C12orf56: variants seen among roughly 807,000 people sequenced by gnomAD.
C12orf56 encodes chromosome 12 open reading frame 56, also known as uncharacterized protein C12orf56.
A neutral mutation model predicts 69.9 loss-of-function variants in C12orf56; 71 were observed. The observed-to-expected ratio is 1.02, with a 90% CI of 0.84 to 1.24. The LOEUF (loss-of-function observed/expected upper bound fraction) is 1.24. Among genes scored for constraint, C12orf56 ranks in the 50% most tolerant of loss-of-function variants. The pLI is 0.00. For synonymous variants in C12orf56, 276 were observed against 274.1 expected, an observed-to-expected ratio of 1.01 and a Z score of -0.07; for missense variants, 732 against 738.5, an observed-to-expected ratio of 0.99 and a Z score of 0.10.
rs540316968 is a variant in C12orf56 at position 64,275,072 on chromosome 12, C to T, written c.1510-97G>A. On this transcript the variant is annotated intron_variant, in intron 10 of 12. Transcript: ENST00000543942. ...TAAATACATTTTTATCCTGATTAAT[C>T]GAATCCTTAAAATCAGTTTTGGAAA... The T allele has an allele frequency of 3.3e-5, 39 of 1,183,952 alleles. No individual in the cohort carries two copies. The Middle Eastern group carries it at 8.7e-4, about 26-fold the overall frequency. 73.3% of individuals were successfully genotyped at this position (1,183,952 alleles called of 1,614,324 possible). A position where few individuals can be genotyped will look rare whatever the true frequency, so the allele number is the denominator to read the frequency against.
intron 2 of C12orf56, among the ~76,000 whole-genome samples, chr12:64,349,828 T>C (rs1333827806): frequency 6.6e-6 from 1 of 152,238 alleles, no homozygotes; most frequent in Non-Finnish European, 1.5e-5. Flanking sequence ...GAATGGTGGC[T>C]CACGCCTGTA....
At chr12:64,274,768 CA>C (rs1445612810) in intron 11 of C12orf56, 132 bp downstream of exon 11, 2 of 647,144 alleles carry the variant, frequency 3.1e-6, no homozygotes, top group African/African-American at 3.7e-5. Flanking sequence ...AATAAACTGT[CA>C]AATTTACACT....
At chr12:64,353,116 A>G in intron 1 of C12orf56, 60 bp from the exon 2 acceptor site, 2 of 1,520,830 alleles carry the variant, frequency 1.3e-6, no homozygotes, top group East Asian at 4.5e-5. Context: ...CTATTTTGGT[A>G]TAATAAATCC....
intron 1 of C12orf56, among the ~76,000 whole-genome samples, chr12:64,386,090 A>G (rs965085879): frequency 6.6e-5 from 10 of 152,208 alleles, no homozygotes; most frequent in Non-Finnish European, 1.2e-4. Flanking sequence ...CAGGCCCCCT[A>G]CATTCCTTGG....
chr12:64,338,523 T>C, intron 2 of C12orf56: 1 of 1,214,394 alleles, frequency 8.2e-7, no homozygotes, highest in Non-Finnish European at 1.2e-6. Context: ...AAACCTGTGG[T>C]AAGGTCATCC....
chr12:64,281,041 C>CGG lies in C12orf56; in HGVS notation c.1311-3240_1311-3239dup, dbSNP rs542045314. On this transcript the variant is annotated intron_variant, in intron 8 of 12. Coordinates refer to ENST00000543942, the MANE Select transcript of C12orf56 (RefSeq NM_001170633.2). ...TAATCCCAGCACTTTGGGAGGCCGA[C>CGG]GGGGGGTGGATCACCTGAGGACAGG... Among the ~76,000 whole-genome samples, 66 of 150,502 alleles carry CGG rather than the reference C, an allele frequency of 4.4e-4. 1 individual carries two copies. Among genetic ancestry groups the CGG allele is most frequent in the African/African-American group, 1.6e-3 (65 of 40,852 alleles).
At chr12:64,284,643 A>G (rs2038175635) in intron 8 of C12orf56, 21 bp downstream of exon 8, 3 of 1,574,384 alleles carry the variant, frequency 1.9e-6, no homozygotes, top group South Asian at 2.4e-5. Context: ...CAAGGTCCCA[A>G]TGTCTTCTAA....
chr12:64,280,979 T>A (rs7962466), intron 8 of C12orf56, among the ~76,000 whole-genome samples: 2 of 152,154 alleles, frequency 1.3e-5, no homozygotes. Flanking sequence ...AATAGAAAAC[T>A]AATACAATTT....
intron 9 of C12orf56, 98 bp from the exon 10 acceptor site, chr12:64,275,470 T>C (rs1041024606): frequency 8.6e-5 from 48 of 558,480 alleles, no homozygotes; most frequent in Non-Finnish European, 1.4e-4. Flanking sequence ...ATAAACTTTC[T>C]CTTTTTTTTG....
chr12:64,352,188 T>C (rs1244711113), intron 2 of C12orf56: 1 of 152,058 alleles, frequency 6.6e-6, no homozygotes, highest in Non-Finnish European at 1.5e-5. Context: ...TCAGGATCTT[T>C]GAGCTATCCT....
At position 64,333,112 on chromosome 12, in the gene C12orf56, A is replaced by G. The variant is rs1019062165; in HGVS notation, c.416-2080T>C. ...AGGTGGAAGCACTTATGACTCATCA[A>G]TCAGACAGGTTTGAGCCCATCTCCT... On this transcript the variant is annotated intron_variant, in intron 2 of 12. Coordinates refer to ENST00000543942, the MANE Select transcript of C12orf56 (RefSeq NM_001170633.2). Among the ~76,000 whole-genome samples, 6 of 152,218 alleles carry G rather than the reference A, an allele frequency of 3.9e-5. No homozygotes were observed. In the East Asian group the frequency reaches 1.2e-3, roughly 29 times the overall value.
At position 64,380,128 on chromosome 12, in the gene C12orf56, AAAAAAACAAAAC is replaced by A. The variant is rs1243865688; in HGVS notation, c.252+10174_252+10185del. On this transcript the variant is annotated intron_variant, in intron 1 of 12. Coordinates refer to ENST00000543942, the MANE Select transcript of C12orf56 (RefSeq NM_001170633.2). ...GCAAAAAAAAAAAAAAAAAAAAAAA[AAAAAAACAAAAC>A]AAACAAAAAAAAACGCACAATGCAG... 1.4e-3 allele frequency among the ~76,000 whole-genome samples: 71 copies of A among 50,276 alleles called. 7 individuals carry two copies. Among genetic ancestry groups the A allele is most frequent in the Non-Finnish European group, 2.5e-3 (44 of 17,524 alleles). The allele number at this position is 50,276 out of a possible 152,430, so 33.0% of individuals were successfully genotyped here. A position where few individuals can be genotyped will look rare whatever the true frequency, so the allele number is the denominator to read the frequency against.
At chr12:64,380,537 A>G (rs958757551) in intron 1 of C12orf56, among the ~76,000 whole-genome samples, 5 of 152,224 alleles carry the variant, frequency 3.3e-5, no homozygotes, top group African/African-American at 1.2e-4. Flanking sequence ...CATGGGAGAT[A>G]GAGAACAGCA....
intron 11 of C12orf56, among the ~76,000 whole-genome samples, chr12:64,274,088 C>G (rs1174984973): frequency 6.6e-6 from 1 of 152,198 alleles, no homozygotes; most frequent in African/African-American, 2.4e-5. Flanking sequence ...TCCCCTGTCA[C>G]GGGGGGCAGA....
In C12orf56 at chr12:64,284,696, C is replaced by G; in HGVS notation, c.1278G>C (p.Glu426Asp). 2 of 1,612,492 alleles carry G rather than the reference C, an allele frequency of 1.2e-6. No individual in the cohort carries two copies. Among genetic ancestry groups the G allele is most frequent in the Non-Finnish European group, 8.5e-7 (1 of 1,179,426 alleles). The change falls in exon 8 of 13, where the codon GAG (glutamate) becomes GAC (aspartate). Residue 426 changes from glutamate to aspartate, a missense_variant. Physicochemically the swap from Glu to Asp is conservative, Grantham distance 45 (BLOSUM62 2). Transcript: ENST00000543942. ...CTGCCAATGTGTTCAGGCGTGATGA[C>G]TCGGTTTCTGTTTCTCTGAACATCA... Reference protein sequence around the residue: ...LVLMFRETETESSRLNTLAAK... With the variant: ...LVLMFRETETDSSRLNTLAAK...
At chr12:64,328,926 G>GT (rs1317912551) in intron 3 of C12orf56, among the ~76,000 whole-genome samples, 1 of 150,514 alleles carries the variant, frequency 6.6e-6, no homozygotes, top group African/African-American at 2.4e-5. Context: ...TTAGACAGGC[G>GT]TGGTGGTGGG....
chr12:64,367,234 GTAATATACAGTTTATATATTATATA>G (rs2039505298), intron 1 of C12orf56, among the ~76,000 whole-genome samples: 1 of 19,300 alleles, frequency 5.2e-5, no homozygotes, highest in Non-Finnish European at 9.7e-5. Context: ...TATATTATAT[GTAATATACAGTTTATATATTATATA>G]TAATATACAG....
intron 8 of C12orf56, among the ~76,000 whole-genome samples, chr12:64,280,930 GT>G (rs985948558): frequency 5.9e-5 from 9 of 152,144 alleles, no homozygotes; most frequent in Non-Finnish European, 1.0e-4. Context: ...AATACATGTT[GT>G]TTTAAGCCAC....
In C12orf56 at chr12:64,270,710, G is replaced by A. The variant is rs778998818; in HGVS notation, c.1589C>T (p.Thr530Ile). 2.5e-6 allele frequency: 4 copies of A among 1,603,662 alleles called. No individual in the cohort carries two copies. In the South Asian group the frequency reaches 3.4e-5, roughly 14 times the overall value. ...TTGTTTCACAATACTGGCCACAAAA[G>A]TAATCTAGACAAGGAAAATACAGTT... ...SFLQSCPPII[T>I]FVASIVKQVV... The change falls in exon 12 of 13, where the codon ACT becomes ATT. Residue 530 changes from threonine to isoleucine, a missense_variant. Physicochemically the swap from Thr to Ile is moderately conservative, Grantham distance 89 (BLOSUM62 -1). Coordinates refer to ENST00000543942, the MANE Select transcript of C12orf56 (RefSeq NM_001170633.2).
Sources: allele counts gnomAD v4.1 joint callset (sites outside exome capture counted in the v4.1 genomes callset), GRCh38; gene constraint gnomAD v4.1.1; transcripts MANE v1.5; gene names NCBI Gene and HGNC (gene_info 2026-07-23, HGNC 2026-07-21).